CCDC181: variants seen among roughly 807,000 people sequenced by gnomAD.
CCDC181 encodes the protein coiled-coil domain containing 181, also known as coiled-coil domain-containing protein 181.
In CCDC181, 35 loss-of-function variants were observed where a neutral mutation model predicts 58.7. The ratio of observed to expected loss-of-function variants is 0.60; its 90% CI spans 0.46 to 0.79. The LOEUF (loss-of-function observed/expected upper bound fraction) is 0.79. Among genes scored for constraint, CCDC181 ranks in the 30% least tolerant of loss-of-function variants. CCDC181 has a pLI of 0.00. For missense variants in CCDC181, 517 were observed against 583.9 expected (o/e 0.89, Z 1.18); for synonymous variants, 183 against 197.5 (o/e 0.93, Z 0.62).
intron 4 of CCDC181, among the ~76,000 whole-genome samples, chr1:169,408,745 A>C (rs139197234): frequency 6.6e-6 from 1 of 152,188 alleles, no homozygotes; most frequent in African/African-American, 2.4e-5. Context: ...CAAGCAAACA[A>C]GGTCTGGAGA....
At chr1:169,413,114 C>T (rs1656051828) in intron 4 of CCDC181, among the ~76,000 whole-genome samples, 2 of 152,114 alleles carry the variant, frequency 1.3e-5, no homozygotes, top group South Asian at 4.2e-4. Context: ...AAAATTTTTG[C>T]AATCTATCCA....
At chr1:169,408,275 C>T (rs145422967) in intron 4 of CCDC181, among the ~76,000 whole-genome samples, 63 of 152,276 alleles carry the variant, frequency 4.1e-4, no homozygotes, top group African/African-American at 1.4e-3. Context: ...AGGCAGTTTT[C>T]CCCTCACAGC....
chr1:169,430,393 T>C (rs1656884293), upstream of CCDC181, among the ~76,000 whole-genome samples: 1 of 152,228 alleles, frequency 6.6e-6, no homozygotes, highest in Non-Finnish European at 1.5e-5. Flanking sequence ...GTATAGTCAT[T>C]TTCACAATAG....
At position 169,424,956 on chromosome 1, in the gene CCDC181, A is replaced by T; in HGVS notation, c.-23-6T>A. 7.5e-7 allele frequency: 1 copy of T among 1,328,406 alleles called. No homozygotes were observed. Among genetic ancestry groups the T allele is most frequent in the Non-Finnish European group, 1.1e-6 (1 of 926,390 alleles). The allele number at this position is 1,328,406 out of a possible 1,614,324, so 82.3% of individuals were successfully genotyped here. On this transcript the variant is annotated splice_polypyrimidine_tract_variant and splice_region_variant and intron_variant, in intron 1 of 5. Transcript: ENST00000367806. Reference sequence around the variant, plus strand: ...CTGTTTGTGAAGGAAATATGCTGTAAGATTTTAAAAGATAAGGTATATGTT... The same window carrying T: ...CTGTTTGTGAAGGAAATATGCTGTATGATTTTAAAAGATAAGGTATATGTT...
At chr1:169,448,853 A>T (rs1422418194) in intron 2 of CCDC181, among the ~76,000 whole-genome samples, 4 of 152,002 alleles carry the variant, frequency 2.6e-5, no homozygotes, top group Non-Finnish European at 4.4e-5. Context: ...TTCCTTTTTT[A>T]AATTCACTTA....
chr1:169,404,076 C>T (rs932875176), intron 4 of CCDC181, among the ~76,000 whole-genome samples: 2 of 151,922 alleles, frequency 1.3e-5, no homozygotes, highest in African/African-American at 2.4e-5. Flanking sequence ...AATGGATAAA[C>T]TCCTGGACAC....
At chr1:169,452,578 G>C (rs1055217668) in intron 2 of CCDC181, 7 of 152,076 alleles carry the variant, frequency 4.6e-5, no homozygotes, top group African/African-American at 1.7e-4. Flanking sequence ...CACTTCTATG[G>C]CCCTGGGAGG....
At chr1:169,398,923 T>C (rs1361569462) in intron 4 of CCDC181, among the ~76,000 whole-genome samples, 1 of 152,180 alleles carries the variant, frequency 6.6e-6, no homozygotes, top group East Asian at 1.9e-4. Flanking sequence ...TTATGGGATA[T>C]CTGGAGAAAA....
At chr1:169,403,598 T>C (rs1255561511) in intron 4 of CCDC181, among the ~76,000 whole-genome samples, 2 of 152,234 alleles carry the variant, frequency 1.3e-5, no homozygotes, top group African/African-American at 4.8e-5. Context: ...AATAAAGATG[T>C]TCTTTGAAAC....
chr1:169,411,180 C>CA (rs1655943596), intron 4 of CCDC181, among the ~76,000 whole-genome samples: 2 of 151,856 alleles, frequency 1.3e-5, no homozygotes, highest in South Asian at 4.1e-4. Flanking sequence ...ATCAAATAGA[C>CA]ACAATAAAAA....
At chr1:169,441,062 C>G (rs980786654) in intron 2 of CCDC181, among the ~76,000 whole-genome samples, 1 of 152,040 alleles carries the variant, frequency 6.6e-6, no homozygotes, top group African/African-American at 2.4e-5. Context: ...ACAAAAGTTT[C>G]CATTAAAACT....
Position 169,424,839 on chromosome 1 carries a change from T to C in CCDC181, c.89A>G (p.Asn30Ser). The change falls in exon 2 of 6, where the codon AAT (asparagine) becomes AGT (serine). Residue 30 changes from asparagine to serine, a missense_variant. Asn to Ser is a conservative substitution (Grantham distance 46). Coordinates refer to ENST00000367806, the MANE Select transcript of CCDC181 (RefSeq NM_001300969.2). The stretch of plus-strand genomic sequence containing the variant: ...TATTATGCTGGCATCACTTTTTTCA[T>C]TTTCATTAATTAACCACTCCAGGTC... Reference protein sequence around the residue: ...EKDLEWLINENEKSDASIIEM... With the variant: ...EKDLEWLINESEKSDASIIEM... The C allele has an allele frequency of 6.2e-7, 1 of 1,601,700 alleles. No individual in the cohort carries two copies. The highest frequency in any genetic ancestry group is 2.2e-5 in the East Asian group (1 of 44,694).
chr1:169,450,748 T>C (rs1657514355), intron 2 of CCDC181, among the ~76,000 whole-genome samples: 1 of 152,220 alleles, frequency 6.6e-6, no homozygotes, highest in African/African-American at 2.4e-5. Context: ...TACTGTGTTA[T>C]GTTCCCATCA....
intron 2 of CCDC181, among the ~76,000 whole-genome samples, chr1:169,441,320 A>T (rs1269581757): frequency 6.6e-6 from 1 of 152,156 alleles, no homozygotes; most frequent in African/African-American, 2.4e-5. Context: ...TGAAGAAATT[A>T]GTGTTTTTGA....
intron 2 of CCDC181, among the ~76,000 whole-genome samples, chr1:169,439,516 G>A (rs1657151347): frequency 6.6e-6 from 1 of 152,176 alleles, no homozygotes; most frequent in East Asian, 1.9e-4. Context: ...TTACAGGATG[G>A]GGAGCATGCA....
In CCDC181 at chr1:169,422,277, A is replaced by C; in HGVS notation, c.154T>G (p.Leu52Val). 1 of 1,585,590 alleles carries C rather than the reference A, an allele frequency of 6.3e-7. No individual in the cohort carries two copies. The highest frequency in any genetic ancestry group is 1.1e-5 in the South Asian group (1 of 88,306). ...CEKEENINQD[L>V]KENETVMEHT... Reference sequence around the variant, plus strand: ...TCCATTACTGTCTCATTCTCTTTTAAGTCTTGGTTAATATTCTCTTCCTTC... The same window carrying C: ...TCCATTACTGTCTCATTCTCTTTTACGTCTTGGTTAATATTCTCTTCCTTC... The change falls in exon 3 of 6, where the codon TTA becomes GTA. Residue 52 changes from leucine to valine, a missense_variant. By Grantham distance (32) the Leu-to-Val change is conservative. Transcript: ENST00000367806.
At chr1:169,438,804 G>C (rs1657126112) in intron 2 of CCDC181, among the ~76,000 whole-genome samples, 1 of 152,228 alleles carries the variant, frequency 6.6e-6, no homozygotes, top group East Asian at 1.9e-4. Context: ...AATAAGGGGG[G>C]GTTCTGAGTT....
chr1:169,450,021 C>T (rs1289535174), intron 2 of CCDC181, among the ~76,000 whole-genome samples: 1 of 152,070 alleles, frequency 6.6e-6, no homozygotes, highest in Non-Finnish European at 1.5e-5. Flanking sequence ...CAATAGAGCC[C>T]GATTGATATG....
chr1:169,418,007 C>G (rs1293448617), intron 4 of CCDC181, among the ~76,000 whole-genome samples: 1 of 152,278 alleles, frequency 6.6e-6, no homozygotes, highest in East Asian at 1.9e-4. Context: ...TAGTCATTCA[C>G]TCTCACACAC....
Sources: allele counts gnomAD v4.1 joint callset (sites outside exome capture counted in the v4.1 genomes callset), GRCh38; gene constraint gnomAD v4.1.1; transcripts MANE v1.5; gene names NCBI Gene and HGNC (gene_info 2026-07-23, HGNC 2026-07-21).